GALNT9: variants seen among roughly 807,000 people sequenced by gnomAD.
GALNT9 encodes GalNAc transferase 9.
In GALNT9, 47 loss-of-function variants were observed where a neutral mutation model predicts 63.1. That is an observed-to-expected ratio of 0.75 (90% CI 0.59 to 0.95). GALNT9 has a LOEUF of 0.95. Ranked by LOEUF, GALNT9 falls within the 40% of genes least tolerant of loss-of-function variation. GALNT9 has a pLI of 0.00. For missense variants in GALNT9, 829 were observed against 874.8 expected (o/e 0.95, Z 0.66); for synonymous variants, 396 against 365.7 (o/e 1.08, Z -0.94).
At chr12:132,216,517 G>A (rs750515451) in intron 6 of GALNT9, among the ~76,000 whole-genome samples, 19 of 152,258 alleles carry the variant, frequency 1.2e-4, no homozygotes, top group Non-Finnish European at 2.6e-4. Flanking sequence ...CTCGGAGGAC[G>A]GGGTGTTTTC....
intron 6 of GALNT9, among the ~76,000 whole-genome samples, chr12:132,213,039 T>G (rs558200032): frequency 8.7e-6 from 1 of 115,394 alleles, no homozygotes; most frequent in African/African-American, 3.4e-5. Context: ...CCTTGAGACC[T>G]CGACACGGAA....
chr12:132,206,175 T>C (rs1423799840), intron 6 of GALNT9: 1 of 152,114 alleles, frequency 6.6e-6, no homozygotes, highest in Non-Finnish European at 1.5e-5. Flanking sequence ...CCCCCAGGGC[T>C]CCTGACGCCT....
At chr12:132,241,617 A>G (rs1274883337) in intron 6 of GALNT9, among the ~76,000 whole-genome samples, 19 of 32,454 alleles carry the variant, frequency 5.9e-4, no homozygotes, top group African/African-American at 2.0e-3. Flanking sequence ...CACACAACAC[A>G]CCCCCTTCCC....
At position 132,286,585 on chromosome 12, in the gene GALNT9, TC is replaced by T; in HGVS notation, c.239-156del. The T allele has an allele frequency of 7.9e-7, 1 of 1,271,086 alleles. No individual in the cohort carries two copies. Among genetic ancestry groups the T allele is most frequent in the Non-Finnish European group, 1.1e-6 (1 of 951,598 alleles). The allele number at this position is 1,271,086 out of a possible 1,614,324, so 78.7% of individuals were successfully genotyped here. ...ATGGCAGGCTGCCAGCTCAGGACATTCCAGAAAGTGCAAGGCTGTGCGCGGA... is the reference window on the plus strand; with the variant it reads ...ATGGCAGGCTGCCAGCTCAGGACATTCAGAAAGTGCAAGGCTGTGCGCGGA... On this transcript the variant is annotated intron_variant, in intron 1 of 10. Transcript: ENST00000328957. This position sits in a 1 kb window ranked among gnomAD's most constrained non-coding sequence, Gnocchi z 7.4.
At chr12:132,258,105 C>T (rs1369021770) in intron 4 of GALNT9, among the ~76,000 whole-genome samples, 3 of 152,330 alleles carry the variant, frequency 2.0e-5, no homozygotes, top group South Asian at 2.1e-4. Flanking sequence ...TGGGGTAGCC[C>T]CTCGAATGCC....
In GALNT9 at chr12:132,316,981, C is replaced by T. The variant is rs1186901975; in HGVS notation, c.238+11985G>A. Among the ~76,000 whole-genome samples the T allele has an allele frequency of 1.4e-5, 2 of 147,008 alleles. No homozygotes were observed. The highest frequency in any genetic ancestry group is 5.1e-5 in the African/African-American group (2 of 39,348). On this transcript the variant is annotated intron_variant, in intron 1 of 10. Coordinates refer to ENST00000328957, the MANE Select transcript of GALNT9 (RefSeq NM_001122636.2). The surrounding 1 kb of genome is among the most constrained non-coding windows in gnomAD (Gnocchi z 4.3). ...ACCCTACACCCCACGGAGCATGGTC[C>T]TATTCTACACCCACAGAGCACAGCC... is the stretch of plus-strand genomic sequence containing the variant.
chr12:132,258,246 C>A (rs1422855329), intron 4 of GALNT9, among the ~76,000 whole-genome samples: 5 of 152,232 alleles, frequency 3.3e-5, no homozygotes, highest in Admixed American at 2.6e-4. Flanking sequence ...CCCTCTCTGC[C>A]CAGCCCCGAG....
At chr12:132,198,441 G>C (rs1875714543) in intron 9 of GALNT9, among the ~76,000 whole-genome samples, 1 of 150,700 alleles carries the variant, frequency 6.6e-6, no homozygotes, top group East Asian at 1.9e-4. Context: ...GCTGGGGCTG[G>C]GGCTGGGCCT....
chr12:132,238,454 A>G lies in GALNT9; in HGVS notation c.1077+9456T>C, dbSNP rs1197947044. ...CCGGGGCAGCAGCCGCAGGGGCGAC[A>G]TGGTGTCAAGGTCTCCTGGACATTG... On this transcript the variant is annotated intron_variant, in intron 6 of 10. Transcript: ENST00000328957. This position sits in a 1 kb window ranked among gnomAD's most constrained non-coding sequence, Gnocchi z 6.5. Among the ~76,000 whole-genome samples, 1 of 152,154 alleles carries G rather than the reference A, an allele frequency of 6.6e-6. No individual in the cohort carries two copies. Among genetic ancestry groups the G allele is most frequent in the African/African-American group, 2.4e-5 (1 of 41,420 alleles).
chr12:132,249,808 A>G (rs1878839433), intron 5 of GALNT9, among the ~76,000 whole-genome samples: 1 of 152,176 alleles, frequency 6.6e-6, no homozygotes, highest in Non-Finnish European at 1.5e-5. Context: ...GTGATTACAG[A>G]AAAAGGTGGG....
chr12:132,328,836 C>G, intron 1 of GALNT9, 130 bp downstream of exon 1: 2 of 1,168,746 alleles, frequency 1.7e-6, no homozygotes, highest in Non-Finnish European at 2.3e-6. Flanking sequence ...TCCCTCTCCT[C>G]TCTCCTGTAT....
At chr12:132,314,511 T>G (rs370175225) in intron 1 of GALNT9, among the ~76,000 whole-genome samples, 35 of 152,312 alleles carry the variant, frequency 2.3e-4, no homozygotes, top group African/African-American at 8.2e-4. Flanking sequence ...AGTAGTGACT[T>G]GCCCGAGGTC....
At chr12:132,213,906 G>A (rs538597655) in intron 6 of GALNT9, among the ~76,000 whole-genome samples, 147 of 152,342 alleles carry the variant, frequency 9.6e-4, no homozygotes, top group African/African-American at 3.2e-3. Context: ...GCCCGGTCAC[G>A]GAGCAGCCCT....
intron 6 of GALNT9, among the ~76,000 whole-genome samples, chr12:132,221,489 C>G (rs1316004890): frequency 6.7e-6 from 1 of 150,108 alleles, no homozygotes; most frequent in Non-Finnish European, 1.5e-5. Flanking sequence ...TGAAACCCAT[C>G]TCTACTAAAA....
chr12:132,202,394 C>T (rs1234105001), intron 7 of GALNT9, among the ~76,000 whole-genome samples: 2 of 152,148 alleles, frequency 1.3e-5, no homozygotes, highest in African/African-American at 4.8e-5. Context: ...ATCTGCCTGG[C>T]GGGAGCTGAT....
rs1868483289 is a variant in GALNT9 at position 132,315,808 on chromosome 12, C to T, written c.238+13158G>A. Among the ~76,000 whole-genome samples, 2 of 152,294 alleles carry T rather than the reference C, an allele frequency of 1.3e-5. No homozygotes were observed. Among genetic ancestry groups the T allele is most frequent in the South Asian group, 2.1e-4 (1 of 4,828 alleles). On this transcript the variant is annotated intron_variant, in intron 1 of 10. Transcript: ENST00000328957. The surrounding 1 kb of genome is among the most constrained non-coding windows in gnomAD (Gnocchi z 6.1). Reference sequence around the variant, plus strand: ...AGCCACCCACTCATACTCCCCACCGCGTCACACAGGGTGTGAGTGACACGG... The same window carrying T: ...AGCCACCCACTCATACTCCCCACCGTGTCACACAGGGTGTGAGTGACACGG...
rs1201146111 is a variant in GALNT9 at position 132,304,133 on chromosome 12, C to T, written c.239-17703G>A. The stretch of plus-strand genomic sequence containing the variant: ...CAGCCTCACCCGGGCACACCCTCTC[C>T]GGGGCACACCCTCGCCCGGACACGC... On this transcript the variant is annotated intron_variant, in intron 1 of 10. Coordinates refer to ENST00000328957, the MANE Select transcript of GALNT9 (RefSeq NM_001122636.2). Among the ~76,000 whole-genome samples, 3 of 39,048 alleles carry T rather than the reference C, an allele frequency of 7.7e-5. 1 individual carries two copies. Among genetic ancestry groups the T allele is most frequent in the Non-Finnish European group, 1.4e-4 (3 of 21,306 alleles). The allele number at this position is 39,048 out of a possible 152,430, so 25.6% of individuals were successfully genotyped here. A position where few individuals can be genotyped will look rare whatever the true frequency, so the allele number is the denominator to read the frequency against.
chr12:132,267,764 CAT>C (rs1236026371), intron 2 of GALNT9, among the ~76,000 whole-genome samples: 23 of 133,978 alleles, frequency 1.7e-4, no homozygotes, highest in South Asian at 4.2e-4. Context: ...CTCACACACA[CAT>C]GCACTCACAC....
intron 1 of GALNT9, among the ~76,000 whole-genome samples, chr12:132,304,447 C>A (rs1340935209): frequency 4.7e-3 from 176 of 37,394 alleles, no homozygotes; most frequent in East Asian, 0.025. Flanking sequence ...CCGGGCACAC[C>A]CTCGCCCGGG....
Sources: allele counts gnomAD v4.1 joint callset (sites outside exome capture counted in the v4.1 genomes callset), GRCh38; gene constraint gnomAD v4.1.1; non-coding constraint Gnocchi (gnomAD v3.1); transcripts MANE v1.5; gene names NCBI Gene and HGNC (gene_info 2026-07-23, HGNC 2026-07-21).